GLDN: variants seen among roughly 807,000 people sequenced by gnomAD.
GLDN encodes the protein collomin.
GLDN carries 47 observed loss-of-function variants against 56.5 expected under a neutral mutation model. The ratio of observed to expected loss-of-function variants is 0.83; its 90% CI spans 0.66 to 1.06. The LOEUF (loss-of-function observed/expected upper bound fraction) is 1.06. Ranked by LOEUF, GLDN falls within the 50% of genes least tolerant of loss-of-function variation. GLDN has a pLI of 0.00. For missense variants in GLDN, 782 were observed against 714.3 expected (o/e 1.09, Z -1.08); for synonymous variants, 332 against 278.8 (o/e 1.19, Z -1.90).
chr15:51,385,990 T>C (rs1467142917), intron 4 of GLDN, among the ~76,000 whole-genome samples: 1 of 152,106 alleles, frequency 6.6e-6, no homozygotes. Flanking sequence ...GCCTGACAGC[T>C]GTGCTGAGAG....
rs868657861 is a variant in GLDN, at chr15:51,400,215, G to A, written c.841G>A (p.Asp281Asn). The change falls in exon 7 of 10, where the codon GAT becomes AAT. Residue 281 changes from aspartate (D) to asparagine (N), a missense_variant. By Grantham distance (23) the Asp-to-Asn change is conservative. Coordinates refer to ENST00000335449, the MANE Select transcript of GLDN (RefSeq NM_181789.4). Reference sequence around the variant, plus strand: ...AGGTGAGACTTGTGCCATACCAAATGATGATACCTTGGTTGGAAAAGCTGA... The same window carrying A: ...AGGTGAGACTTGTGCCATACCAAATAATGATACCTTGGTTGGAAAAGCTGA... ...CPGETCAIPNDDTLVGKADEK... is the reference protein window; with the variant it reads ...CPGETCAIPNNDTLVGKADEK... 1 of 1,614,148 alleles carries A rather than the reference G, an allele frequency of 6.2e-7. No homozygotes were observed. Among genetic ancestry groups the A allele is most frequent in the Non-Finnish European group, 8.5e-7 (1 of 1,179,990 alleles).
chr15:51,388,826 T>C (rs2037955226), intron 4 of GLDN, among the ~76,000 whole-genome samples: 1 of 152,148 alleles, frequency 6.6e-6, no homozygotes, highest in Non-Finnish European at 1.5e-5. Flanking sequence ...GAAAGAAGCC[T>C]GGGCCCTGAG....
chr15:51,355,730 A>C (rs28769963), intron 1 of GLDN, among the ~76,000 whole-genome samples: 100 of 149,208 alleles, frequency 6.7e-4, no homozygotes, highest in African/African-American at 2.4e-3. Flanking sequence ...TCACCGTGTT[A>C]GCCGGGATGG....
At chr15:51,369,399 A>T (rs764531) in intron 1 of GLDN, among the ~76,000 whole-genome samples, 2,191 of 152,394 alleles carry the variant, frequency 0.014, 49 homozygotes, top group African/African-American at 0.05. Flanking sequence ...GCATTTAAAC[A>T]GTGTTCCAGC....
chr15:51,401,872 C>T (rs1484626570), intron 9 of GLDN, 129 bp downstream of exon 9: 5 of 789,894 alleles, frequency 6.3e-6, no homozygotes, highest in African/African-American at 1.7e-5. Context: ...ACACTGAGGT[C>T]AATCAGGGTT....
chr15:51,341,708 C>A lies in GLDN; in HGVS notation c.24C>A (p.Gly8=). MARGAEG[G]RGDAGWGLRG... ...GCATGGCCCGAGGCGCTGAGGGAGG[C>A]CGTGGGGACGCGGGTTGGGGCCTGC... The change falls in exon 1 of 10, where the codon GGC becomes GGA. Residue 8 remains glycine, a synonymous_variant. Coordinates refer to ENST00000335449, the MANE Select transcript of GLDN (RefSeq NM_181789.4). 7.0e-7 allele frequency: 1 copy of A among 1,429,080 alleles called. No homozygotes were observed. Among genetic ancestry groups the A allele is most frequent in the Non-Finnish European group, 9.0e-7 (1 of 1,106,276 alleles). 88.5% of individuals were successfully genotyped at this position (1,429,080 alleles called of 1,614,324 possible).
At position 51,373,451 on chromosome 15, in the gene GLDN, G is replaced by A. The variant is rs549185427; in HGVS notation, c.364-3998G>A. 5.9e-5 allele frequency among the ~76,000 whole-genome samples: 9 copies of A among 152,316 alleles called. No homozygotes were observed. The East Asian group carries it at 1.2e-3, about 20-fold the overall frequency. ...TGACTATATTTACTGATAAAAGTTCGTGTACAAGTGGACCCACACAGTGCA... is the reference window on the plus strand; with the variant it reads ...TGACTATATTTACTGATAAAAGTTCATGTACAAGTGGACCCACACAGTGCA... On this transcript the variant is annotated intron_variant, in intron 1 of 9. Transcript: ENST00000335449.
At chr15:51,374,197 T>C (rs995921294) in intron 1 of GLDN, among the ~76,000 whole-genome samples, 5 of 152,338 alleles carry the variant, frequency 3.3e-5, no homozygotes, top group Middle Eastern at 6.8e-3. Flanking sequence ...CAGTGATTAG[T>C]ACCAAACAGA....
intron 1 of GLDN, among the ~76,000 whole-genome samples, chr15:51,356,399 C>T (rs778571882): frequency 6.6e-6 from 1 of 151,990 alleles, no homozygotes; most frequent in Non-Finnish European, 1.5e-5. Flanking sequence ...AACATGGAAG[C>T]GGGCTACTTT....
chr15:51,385,570 A>G (rs2037873866), intron 4 of GLDN: 1 of 152,236 alleles, frequency 6.6e-6, no homozygotes, highest in African/African-American at 2.4e-5. Flanking sequence ...GGTCTGTTCC[A>G]TGGTGATAAA....
chr15:51,411,976 T>C (rs1157140041), downstream of GLDN, among the ~76,000 whole-genome samples: 2 of 152,208 alleles, frequency 1.3e-5, no homozygotes, highest in Non-Finnish European at 2.9e-5. Context: ...GGTACAATAG[T>C]TTTTACTTTA....
At chr15:51,413,269 A>G in the GLDN span, among the ~76,000 whole-genome samples, 1 of 152,214 alleles carries the variant, frequency 6.6e-6, no homozygotes, top group Admixed American at 6.5e-5. Context: ...GTGGAGCAAG[A>G]TGGTGAAAGA....
chr15:51,373,916 T>C (rs1018318293), intron 1 of GLDN, among the ~76,000 whole-genome samples: 1 of 152,238 alleles, frequency 6.6e-6, no homozygotes, highest in African/African-American at 2.4e-5. Context: ...TGACTTTCAA[T>C]TGGGAGTTTT....
chr15:51,396,079 A>T (rs555250474), intron 5 of GLDN, among the ~76,000 whole-genome samples: 14 of 152,314 alleles, frequency 9.2e-5, no homozygotes, highest in Non-Finnish European at 1.3e-4. Context: ...TGGGGATTAC[A>T]ATTCAACATG....
chr15:51,364,706 T>A (rs1674973213), intron 1 of GLDN, among the ~76,000 whole-genome samples: 1 of 152,240 alleles, frequency 6.6e-6, no homozygotes, highest in Non-Finnish European at 1.5e-5. Context: ...TGTCTTTGTC[T>A]ACTAATTTTT....
At chr15:51,369,456 A>G (rs2037471828) in intron 1 of GLDN, among the ~76,000 whole-genome samples, 1 of 152,260 alleles carries the variant, frequency 6.6e-6, no homozygotes, top group Non-Finnish European at 1.5e-5. Context: ...AAACCATGAC[A>G]GGCCTCATTG....
chr15:51,391,865 A>C (rs2141117048), intron 4 of GLDN, among the ~76,000 whole-genome samples: 2 of 152,148 alleles, frequency 1.3e-5, no homozygotes, highest in South Asian at 4.1e-4. Flanking sequence ...GGCAGCCGCC[A>C]CCCAAGCTTA....
At chr15:51,342,474 C>T (rs1218143212) in intron 1 of GLDN, among the ~76,000 whole-genome samples, 1 of 152,170 alleles carries the variant, frequency 6.6e-6, no homozygotes, top group Admixed American at 6.5e-5. Flanking sequence ...AGAGCGTAGG[C>T]TTTTTCAATA....
At chr15:51,362,959 G>A (rs56335081) in intron 1 of GLDN, among the ~76,000 whole-genome samples, 45,127 of 148,552 alleles carry the variant, frequency 0.3, 7,478 homozygotes, top group East Asian at 0.46. Context: ...TGTGAGAGGG[G>A]AAAAAAATAG....
Sources: allele counts gnomAD v4.1 joint callset (sites outside exome capture counted in the v4.1 genomes callset), GRCh38; gene constraint gnomAD v4.1.1; transcripts MANE v1.5; gene names NCBI Gene and HGNC (gene_info 2026-07-23, HGNC 2026-07-21).